The following RTN3 variants were observed in gnomAD, a reference collection of about 807,000 sequenced individuals.
RTN3 encodes the protein reticulon 3.
In RTN3, 49 loss-of-function variants were observed where a neutral mutation model predicts 77.8. The observed-to-expected ratio is 0.63, with a 90% CI of 0.50 to 0.80. The LOEUF is 0.80. RTN3 is among the 30% of genes least tolerant of loss of function. The pLI is 0.00. For synonymous variants in RTN3, 464 were observed against 446.9 expected (o/e 1.04, Z -0.48); for missense variants, 1,236 against 1,211.9 (o/e 1.02, Z -0.29).
At chr11:63,722,543 G>C (rs1001212981) in intron 3 of RTN3, among the ~76,000 whole-genome samples, 9 of 152,122 alleles carry the variant, frequency 5.9e-5, no homozygotes, top group Non-Finnish European at 1.3e-4. Flanking sequence ...AGTAGTACTG[G>C]ATAATTATTT....
At chr11:63,728,617 C>T (rs924546233) in intron 3 of RTN3, among the ~76,000 whole-genome samples, 10 of 152,062 alleles carry the variant, frequency 6.6e-5, no homozygotes, top group Non-Finnish European at 1.5e-4. Context: ...AGGCTGGGCG[C>T]GGTGGCTCAC....
intron 1 of RTN3, among the ~76,000 whole-genome samples, chr11:63,698,070 C>T (rs1288840256): frequency 6.6e-6 from 1 of 152,050 alleles, no homozygotes; most frequent in African/African-American, 2.4e-5. Flanking sequence ...TGTTCCCTCC[C>T]CCTCTACCAC....
At chr11:63,718,437 C>G (rs1297047019) in intron 2 of RTN3, among the ~76,000 whole-genome samples, 2 of 152,128 alleles carry the variant, frequency 1.3e-5, no homozygotes, top group Non-Finnish European at 2.9e-5. Context: ...GAAAAGTAGA[C>G]CAAAAGTATT....
intron 3 of RTN3, among the ~76,000 whole-genome samples, chr11:63,728,712 AC>A (rs1174024185): frequency 2.0e-5 from 3 of 151,994 alleles, no homozygotes; most frequent in Non-Finnish European, 4.4e-5. Flanking sequence ...ACATGGTAAA[AC>A]CCCATCTCTA....
chr11:63,711,384 AT>A (rs199782558), intron 2 of RTN3, among the ~76,000 whole-genome samples: 7 of 144,020 alleles, frequency 4.9e-5, no homozygotes, highest in Admixed American at 7.0e-5. Flanking sequence ...TGGGTTTTTT[AT>A]TTTTTTTTTG....
At chr11:63,749,880 C>G (rs2014008100) in intron 3 of RTN3, 111 bp from the exon 4 acceptor site, 6 of 791,078 alleles carry the variant, frequency 7.6e-6, no homozygotes, top group Non-Finnish European at 1.2e-5. Context: ...ACCAGATTAT[C>G]TTAAAGTGGG....
chr11:63,746,663 C>T (rs760334713), intron 3 of RTN3, among the ~76,000 whole-genome samples: 9 of 151,914 alleles, frequency 5.9e-5, no homozygotes, highest in Non-Finnish European at 1.5e-5. Context: ...TATGGGCACC[C>T]GCCACCACGC....
chr11:63,738,165 AT>A (rs2013253450), intron 3 of RTN3, among the ~76,000 whole-genome samples: 1 of 152,240 alleles, frequency 6.6e-6, no homozygotes, highest in Non-Finnish European at 1.5e-5. Context: ...AATTGTTCAT[AT>A]TAAAAAGCTT....
chr11:63,724,026 T>C (rs2012020968), intron 3 of RTN3, among the ~76,000 whole-genome samples: 1 of 152,130 alleles, frequency 6.6e-6, no homozygotes, highest in Admixed American at 6.6e-5. Flanking sequence ...GATAGTTTTT[T>C]GTGTTTTAGT....
intron 1 of RTN3, among the ~76,000 whole-genome samples, chr11:63,683,294 G>A (rs780710436): frequency 2.6e-5 from 4 of 152,226 alleles, no homozygotes; most frequent in Non-Finnish European, 4.4e-5. Context: ...AGGTCCAGAT[G>A]AACAGCGACT....
At chr11:63,709,419 T>C (rs538911163) in intron 2 of RTN3, among the ~76,000 whole-genome samples, 1 of 152,124 alleles carries the variant, frequency 6.6e-6, no homozygotes, top group Non-Finnish European at 1.5e-5. Context: ...GAAAATGAGA[T>C]TGGAAAGAGG....
chr11:63,721,585 A>G (rs909765298), intron 3 of RTN3, among the ~76,000 whole-genome samples: 1 of 152,006 alleles, frequency 6.6e-6, no homozygotes. Flanking sequence ...AAAAAAAAAA[A>G]AAAAAAGAAA....
chr11:63,703,276 T>C (rs1189759208), intron 1 of RTN3, among the ~76,000 whole-genome samples: 2 of 152,198 alleles, frequency 1.3e-5, no homozygotes, highest in Non-Finnish European at 2.9e-5. Flanking sequence ...TTGAGCATCT[T>C]CAGATTTTGG....
chr11:63,693,974 T>G (rs966373901), intron 1 of RTN3, among the ~76,000 whole-genome samples: 1 of 151,896 alleles, frequency 6.6e-6, no homozygotes, highest in African/African-American at 2.4e-5. Context: ...TTAAAAATAA[T>G]CTGGGTGTGG....
intron 3 of RTN3, among the ~76,000 whole-genome samples, chr11:63,729,078 A>G (rs2012491740): frequency 1.3e-5 from 2 of 151,676 alleles, no homozygotes; most frequent in African/African-American, 4.9e-5. Flanking sequence ...CAGGAAAAAA[A>G]CAACAAAAAA....
intron 7 of RTN3, among the ~76,000 whole-genome samples, chr11:63,754,690 A>G (rs2014274023): frequency 1.2e-5 from 1 of 84,452 alleles, no homozygotes; most frequent in Non-Finnish European, 2.3e-5. Flanking sequence ...ACAGAGCAAG[A>G]CTCCATCTCA....
chr11:63,703,725 A>C (rs541144192), intron 1 of RTN3, among the ~76,000 whole-genome samples: 57 of 150,058 alleles, frequency 3.8e-4, no homozygotes, highest in Non-Finnish European at 6.7e-4. Flanking sequence ...TGTATTTTTC[A>C]TAGAGACGGG....
chr11:63,723,516 A>G (rs578178568), intron 3 of RTN3, among the ~76,000 whole-genome samples: 1 of 150,600 alleles, frequency 6.6e-6, no homozygotes, highest in African/African-American at 2.4e-5. Flanking sequence ...CTCCACCTCC[A>G]GGGTTCAAGC....
Position 63,704,924 on chromosome 11 carries a change from T to C in RTN3, c.199+17T>C. On this transcript the variant is annotated intron_variant, in intron 2 of 8. Coordinates refer to ENST00000377819, the MANE Select transcript of RTN3 (RefSeq NM_001265589.2). The stretch of plus-strand genomic sequence containing the variant: ...CCTCACAAGGCAAGTCTGTAATTTT[T>C]TTGTGTGCATTGGTAAAAGAAAAAT... 1 of 1,586,974 alleles carries C rather than the reference T, an allele frequency of 6.3e-7. No individual in the cohort carries two copies. The highest frequency in any genetic ancestry group is 8.7e-7 in the Non-Finnish European group (1 of 1,155,888).
Sources: gnomAD v4.1 joint callset for allele counts (sites outside exome capture counted in the v4.1 genomes callset) on GRCh38, gnomAD v4.1.1 for gene constraint, MANE v1.5 for transcripts, NCBI Gene and HGNC (gene_info 2026-07-23, HGNC 2026-07-21) for gene names.